TIAM1: variants seen among roughly 807,000 people sequenced by gnomAD.
TIAM1 encodes the protein rho guanine nucleotide exchange factor TIAM1.
A neutral mutation model predicts 163.5 loss-of-function variants in TIAM1; 65 were observed. The ratio of observed to expected loss-of-function variants is 0.40; its 90% confidence interval spans 0.33 to 0.49. The LOEUF is 0.49. Among genes scored for constraint, TIAM1 ranks in the 20% least tolerant of loss-of-function variants. The pLI is 0.77. For synonymous variants in TIAM1, 833 were observed against 810.1 expected (o/e 1.03, Z -0.48); for missense variants, 1,789 against 2,044.7 (o/e 0.87, Z 2.41).
intron 2 of TIAM1, among the ~76,000 whole-genome samples, chr21:31,296,910 G>T (rs1224673088): frequency 1.3e-5 from 2 of 152,218 alleles, no homozygotes; most frequent in African/African-American, 2.4e-5. Context: ...TAATCCGCCC[G>T]CCTTGGCCTC....
intron 2 of TIAM1, among the ~76,000 whole-genome samples, chr21:31,421,729 C>T (rs1005494189): frequency 6.6e-6 from 1 of 152,134 alleles, no homozygotes; most frequent in African/African-American, 2.4e-5. Context: ...AGTGGCCACG[C>T]CTATAATCCC....
At chr21:31,340,177 C>T (rs1270124793) in intron 1 of TIAM1, among the ~76,000 whole-genome samples, 1 of 151,392 alleles carries the variant, frequency 6.6e-6, no homozygotes, top group African/African-American at 2.4e-5. Context: ...CAGTCCCTTG[C>T]AATACTAGAT....
At chr21:31,533,166 C>A (rs1238314011) in intron 1 of TIAM1, among the ~76,000 whole-genome samples, 1 of 151,986 alleles carries the variant, frequency 6.6e-6, no homozygotes, top group Non-Finnish European at 1.5e-5. Flanking sequence ...ACTAAAACCA[C>A]AAAAATTAGC....
Position 31,121,614 on chromosome 21 carries a change from C to T in TIAM1, c.4307-777G>A, listed in dbSNP as rs534817779. Among the ~76,000 whole-genome samples the T allele has an allele frequency of 2.6e-5, 4 of 152,272 alleles. No individual in the cohort carries two copies. In the South Asian group the frequency reaches 8.3e-4, roughly 32 times the overall value. ...TCCCCCAATTACAGTCTGTGTATCA[C>T]TCATTCTTCTCCAAAGCAATTAACA... On this transcript the variant is annotated intron_variant, in intron 27 of 27. Transcript: ENST00000541036.
Position 31,266,247 on chromosome 21 carries a change from T to C in TIAM1, c.726A>G (p.Gly242=). The change falls in exon 4 of 28, where the codon GGA becomes GGG. Residue 242 remains glycine, a synonymous_variant. Coordinates refer to ENST00000541036, the MANE Select transcript of TIAM1 (RefSeq NM_001353694.2). ...LGDLYAQKNS[G]VTANGGPGSK... ...TCCCCGGCCCCCCGTTTGCTGTCACTCCAGAGTTTTTCTGAGCATACAAGT... is the reference window on the plus strand; with the variant it reads ...TCCCCGGCCCCCCGTTTGCTGTCACCCCAGAGTTTTTCTGAGCATACAAGT... 5.0e-6 allele frequency: 8 copies of C among 1,614,162 alleles called. No individual in the cohort carries two copies. The highest frequency in any genetic ancestry group is 6.8e-6 in the Non-Finnish European group (8 of 1,180,016).
chr21:31,491,837 G>GA (rs2046478292), intron 1 of TIAM1, among the ~76,000 whole-genome samples: 1 of 152,172 alleles, frequency 6.6e-6, no homozygotes, highest in Non-Finnish European at 1.5e-5. Flanking sequence ...GTTGGTGGGG[G>GA]AGACAGTGCT....
intron 1 of TIAM1, among the ~76,000 whole-genome samples, chr21:31,557,426 G>A (rs528629089): frequency 4.6e-5 from 7 of 152,128 alleles, no homozygotes; most frequent in Non-Finnish European, 1.0e-4. Flanking sequence ...CTATATGGTC[G>A]TTTAAGCCCC....
At chr21:31,333,474 G>A (rs911899655) in intron 2 of TIAM1, among the ~76,000 whole-genome samples, 2 of 152,000 alleles carry the variant, frequency 1.3e-5, no homozygotes, top group Non-Finnish European at 2.9e-5. Flanking sequence ...GTCTGGCTCC[G>A]TCTCCCAGGC....
At chr21:31,452,606 T>C in intron 2 of TIAM1, 1 of 551,626 alleles carries the variant, frequency 1.8e-6, no homozygotes, top group Non-Finnish European at 3.4e-6. Flanking sequence ...CTAAGTTATG[T>C]GCACCAAATT....
At chr21:31,174,873 T>C (rs1327122493) in intron 15 of TIAM1, among the ~76,000 whole-genome samples, 2 of 152,204 alleles carry the variant, frequency 1.3e-5, no homozygotes, top group African/African-American at 4.8e-5. Flanking sequence ...GGTCTTGAAC[T>C]CCTGACTTCT....
chr21:31,221,556 A>T (rs916025367), intron 8 of TIAM1, among the ~76,000 whole-genome samples: 3 of 152,238 alleles, frequency 2.0e-5, no homozygotes, highest in African/African-American at 4.8e-5. Context: ...GGAAGAGTAA[A>T]ACGGTAACCT....
At chr21:31,435,076 T>G (rs1414826248) in intron 2 of TIAM1, among the ~76,000 whole-genome samples, 1 of 152,198 alleles carries the variant, frequency 6.6e-6, no homozygotes, top group African/African-American at 2.4e-5. Context: ...CTTCCTTCCC[T>G]AAGAGTGATC....
At chr21:31,444,997 TAA>T (rs10711431) in intron 2 of TIAM1, among the ~76,000 whole-genome samples, 5 of 147,166 alleles carry the variant, frequency 3.4e-5, no homozygotes, top group Admixed American at 6.7e-5. Flanking sequence ...AAATTACATC[TAA>T]AAAAAAAAGG....
chr21:31,352,868 C>G (rs1474740146), intron 2 of TIAM1, among the ~76,000 whole-genome samples: 2 of 141,464 alleles, frequency 1.4e-5, no homozygotes, highest in African/African-American at 2.7e-5. Context: ...GATTAAGACT[C>G]TGTCTCAAAA....
intron 2 of TIAM1, among the ~76,000 whole-genome samples, chr21:31,375,392 T>C (rs990195745): frequency 6.6e-6 from 1 of 152,230 alleles, no homozygotes; most frequent in Non-Finnish European, 1.5e-5. Flanking sequence ...CATATACATG[T>C]GTATGTTCAA....
At chr21:31,545,977 T>C (rs1456524264) in intron 1 of TIAM1, among the ~76,000 whole-genome samples, 1 of 152,126 alleles carries the variant, frequency 6.6e-6, no homozygotes, top group Non-Finnish European at 1.5e-5. Flanking sequence ...AAGTAACTAC[T>C]ACTCATCACA....
chr21:31,358,914 C>T (rs1322826056), intron 2 of TIAM1, among the ~76,000 whole-genome samples: 2 of 152,146 alleles, frequency 1.3e-5, no homozygotes, highest in South Asian at 2.1e-4. Context: ...ACCCCTCTGG[C>T]CTCGTTATTA....
intron 11 of TIAM1, among the ~76,000 whole-genome samples, chr21:31,207,189 C>T (rs1220480501): frequency 6.6e-6 from 1 of 152,170 alleles, no homozygotes; most frequent in Non-Finnish European, 1.5e-5. Flanking sequence ...ACCTACAGGG[C>T]AACATGGTTA....
At chr21:31,219,021 T>C (rs1012558966) in intron 8 of TIAM1, among the ~76,000 whole-genome samples, 1 of 146,626 alleles carries the variant, frequency 6.8e-6, no homozygotes, top group Non-Finnish European at 1.5e-5. Context: ...AGAGAAGCAT[T>C]TCCTTTTTTT....
Sources: allele counts gnomAD v4.1 joint callset (sites outside exome capture counted in the v4.1 genomes callset), GRCh38; gene constraint gnomAD v4.1.1; transcripts MANE v1.5; gene names NCBI Gene and HGNC (gene_info 2026-07-23, HGNC 2026-07-21).